Variants in AIG1 observed in about 807,000 individuals in gnomAD.
AIG1 encodes the protein androgen-induced gene 1 protein.
Under a neutral mutation model 31.4 loss-of-function variants are expected in AIG1, and 23 were observed. That is an observed-to-expected ratio of 0.73 (90% CI 0.53 to 1.04). The LOEUF (loss-of-function observed/expected upper bound fraction) is 1.04. AIG1 is among the 50% of genes least tolerant of loss of function. The pLI, the probability that AIG1 is intolerant of heterozygous loss-of-function variation, is 0.00. For missense variants in AIG1, 274 were observed against 295.0 expected (o/e 0.93, Z 0.52); for synonymous variants, 100 against 110.5 (o/e 0.90, Z 0.60).
chr6:143,307,075 T>G (rs1004894289), intron 4 of AIG1, among the ~76,000 whole-genome samples: 1 of 152,118 alleles, frequency 6.6e-6, no homozygotes, highest in African/African-American at 2.4e-5. Flanking sequence ...CACTTCTCTG[T>G]ATTGGTTATT....
chr6:143,257,134 G>C (rs1261413742), intron 3 of AIG1, among the ~76,000 whole-genome samples: 2 of 152,218 alleles, frequency 1.3e-5, no homozygotes, highest in Non-Finnish European at 2.9e-5. Flanking sequence ...TGAAGTCACT[G>C]TGTCAATTGC....
At chr6:143,321,370 CG>C (rs1776195497) in intron 4 of AIG1, among the ~76,000 whole-genome samples, 1 of 151,660 alleles carries the variant, frequency 6.6e-6, no homozygotes, top group Non-Finnish European at 1.5e-5. Flanking sequence ...GAGGCCAAGG[CG>C]GGTGATCACT....
At chr6:143,087,636 G>A (rs933095811) in intron 1 of AIG1, among the ~76,000 whole-genome samples, 3 of 152,252 alleles carry the variant, frequency 2.0e-5, no homozygotes, top group African/African-American at 4.8e-5. Context: ...GACCAGAAGA[G>A]TGTGCAGTTG....
chr6:143,081,054 A>G (rs1200316538), intron 1 of AIG1, among the ~76,000 whole-genome samples: 2 of 152,144 alleles, frequency 1.3e-5, no homozygotes, highest in Non-Finnish European at 2.9e-5. Context: ...GTCAAGCACA[A>G]GGTCATTGGT....
At chr6:143,170,021 C>G (rs1787338789) in intron 3 of AIG1, among the ~76,000 whole-genome samples, 1 of 152,010 alleles carries the variant, frequency 6.6e-6, no homozygotes, top group Non-Finnish European at 1.5e-5. Flanking sequence ...CATCTATGCT[C>G]ATCAGAGATA....
chr6:143,167,539 A>G (rs1210100394), intron 3 of AIG1, among the ~76,000 whole-genome samples: 1 of 152,208 alleles, frequency 6.6e-6, no homozygotes, highest in Non-Finnish European at 1.5e-5. Context: ...CCTTCATGCC[A>G]GAGAATGAAT....
chr6:143,260,970 T>A (rs2128657866), intron 3 of AIG1, among the ~76,000 whole-genome samples: 1 of 152,302 alleles, frequency 6.6e-6, no homozygotes, highest in Non-Finnish European at 1.5e-5. Flanking sequence ...TCTCTTTGGT[T>A]TCAGCTCTTT....
At chr6:143,090,058 G>T (rs1779159133) in intron 1 of AIG1, among the ~76,000 whole-genome samples, 4 of 152,136 alleles carry the variant, frequency 2.6e-5, no homozygotes, top group Admixed American at 2.6e-4. Flanking sequence ...GAGTTGAGTT[G>T]GTTCATCCTC....
chr6:143,127,073 A>G (rs1302060157), intron 1 of AIG1, among the ~76,000 whole-genome samples: 1 of 152,218 alleles, frequency 6.6e-6, no homozygotes, highest in Non-Finnish European at 1.5e-5. Context: ...ATGTAGATAG[A>G]CTATTCCTCT....
chr6:143,252,446 C>T (rs1795076015), intron 3 of AIG1, among the ~76,000 whole-genome samples: 1 of 152,092 alleles, frequency 6.6e-6, no homozygotes, highest in South Asian at 2.1e-4. Context: ...AAACAGGCAG[C>T]AGTATAGGAA....
intron 1 of AIG1, among the ~76,000 whole-genome samples, chr6:143,075,354 G>GA (rs1428708703): frequency 6.6e-6 from 1 of 152,016 alleles, no homozygotes; most frequent in Admixed American, 6.6e-5. Context: ...GTCTCACTCT[G>GA]TCACCCAGGC....
intron 2 of AIG1, among the ~76,000 whole-genome samples, chr6:143,157,303 A>G (rs1785874281): frequency 6.6e-6 from 1 of 152,122 alleles, no homozygotes; most frequent in Non-Finnish European, 1.5e-5. Context: ...TTCCTCCACC[A>G]CATTGTGTGG....
rs1480865351 is a variant in AIG1 at position 143,299,994 on chromosome 6, C to G, written c.515+15769C>G. Among the ~76,000 whole-genome samples, 3 of 152,144 alleles carry G rather than the reference C, an allele frequency of 2.0e-5. No individual in the cohort carries two copies. In the East Asian group the frequency reaches 5.8e-4, roughly 29 times the overall value. On this transcript the variant is annotated intron_variant, in intron 4 of 5. Transcript: ENST00000357847. The surrounding 1 kb of genome is among the most constrained non-coding windows in gnomAD (Gnocchi z 4.1). ...CTGCTGTGAAACATCCACCGTGCAC[C>G]ACCACCGGGCTAGAATCTTATGGGC...
intron 3 of AIG1, among the ~76,000 whole-genome samples, chr6:143,198,909 T>C (rs1790471019): frequency 6.6e-6 from 1 of 152,132 alleles, no homozygotes; most frequent in African/African-American, 2.4e-5. Flanking sequence ...AAAGAGAGAT[T>C]GTGGGACAAA....
intron 2 of AIG1, among the ~76,000 whole-genome samples, chr6:143,142,689 C>T (rs913617443): frequency 6.6e-6 from 1 of 152,104 alleles, no homozygotes; most frequent in Non-Finnish European, 1.5e-5. Context: ...AGTTTAGACT[C>T]AAAGCTGTTT....
chr6:143,113,617 A>C (rs372539576), intron 1 of AIG1, among the ~76,000 whole-genome samples: 3 of 151,536 alleles, frequency 2.0e-5, no homozygotes, highest in African/African-American at 7.3e-5. Flanking sequence ...AAAAAAAACA[A>C]AAAAAAAGTT....
intron 1 of AIG1, among the ~76,000 whole-genome samples, chr6:143,111,427 C>A (rs148107510): frequency 1.3e-5 from 2 of 152,286 alleles, no homozygotes; most frequent in East Asian, 3.9e-4. Context: ...TTCTCCTTTC[C>A]TGGTCTCCTT....
intron 3 of AIG1, among the ~76,000 whole-genome samples, chr6:143,272,329 A>G (rs1796582230): frequency 6.6e-6 from 1 of 152,210 alleles, no homozygotes; most frequent in Admixed American, 6.5e-5. Flanking sequence ...TTTCTCATTC[A>G]CACAAAGTAT....
rs574037647 is a variant in AIG1 at position 143,279,593 on chromosome 6, C to A, written c.400-4517C>A. ...AGGACTGCTCTGTGTGGAGGTGACA[C>A]CCCCTTGTGGATCTCTTCTGCAAAT... On this transcript the variant is annotated intron_variant, in intron 3 of 5. Coordinates refer to ENST00000357847, the MANE Select transcript of AIG1 (RefSeq NM_016108.4). This position sits in a 1 kb window ranked among gnomAD's most constrained non-coding sequence, Gnocchi z 5.4. Among the ~76,000 whole-genome samples, 1 of 152,154 alleles carries A rather than the reference C, an allele frequency of 6.6e-6. No homozygotes were observed. The highest frequency in any genetic ancestry group is 1.5e-5 in the Non-Finnish European group (1 of 68,034).
Sources: gnomAD v4.1 joint callset for allele counts (sites outside exome capture counted in the v4.1 genomes callset) on GRCh38, gnomAD v4.1.1 for gene constraint, Gnocchi (gnomAD v3.1) non-coding constraint, MANE v1.5 for transcripts, NCBI Gene and HGNC (gene_info 2026-07-23, HGNC 2026-07-21) for gene names.